Variants in DOT1L observed in about 807,000 individuals in gnomAD.
DOT1L encodes histone-lysine N-methyltransferase, H3 lysine-79 specific.
DOT1L carries 33 observed loss-of-function variants against 153.3 expected under a neutral mutation model. The ratio of observed to expected loss-of-function variants is 0.22; its 90% confidence interval spans 0.16 to 0.29. The LOEUF (loss-of-function observed/expected upper bound fraction) is 0.29, where lower values mean the gene tolerates loss of function less well. Among genes scored for constraint, DOT1L ranks in the 10% least tolerant of loss-of-function variants. The pLI is 1.00. For missense variants in DOT1L, 1,847 were observed against 2,119.9 expected, an observed-to-expected ratio of 0.87 and a Z score of 2.53; for synonymous variants, 1,135 against 965.1, an observed-to-expected ratio of 1.18 and a Z score of -3.26.
chr19:2,203,179 C>T (rs971490171), intron 9 of DOT1L, among the ~76,000 whole-genome samples: 3 of 152,016 alleles, frequency 2.0e-5, no homozygotes, highest in Non-Finnish European at 4.4e-5. Flanking sequence ...CTCAGCTTAC[C>T]GCAACCTCTG....
chr19:2,229,390 G>A, intron 27 of DOT1L: 1 of 985,490 alleles, frequency 1.0e-6, no homozygotes, highest in Non-Finnish European at 1.2e-6. Context: ...GGCAAGGAGA[G>A]GAGGACTGGG....
rs925877630 is a variant in DOT1L at position 2,226,989 on chromosome 19, G to T, written c.4468G>T (p.Gly1490Cys). The T allele has an allele frequency of 6.3e-7, 1 of 1,591,420 alleles. No individual in the cohort carries two copies. Among genetic ancestry groups the T allele is most frequent in the Non-Finnish European group, 8.5e-7 (1 of 1,176,614 alleles). The change falls in exon 27 of 28, where the codon GGC becomes TGC. Residue 1490 changes from glycine (G) to cysteine (C), a missense_variant. Physicochemically the swap from Gly to Cys is radical, Grantham distance 159 (BLOSUM62 -3). This residue lies in a region of DOT1L where 934 missense variants were observed against 825.3 expected (regional missense o/e 1.13). Transcript: ENST00000398665. ...SLQANLGSVA[G>C]SSVLQSLFSS... ...GCAGGCCAACCTCGGCTCCGTGGCC[G>T]GCTCCTCCGTGCTGCAGTCGCTGTT...
At chr19:2,200,752 GTCCTCCCCGCATTCTTCA>G (rs988706441) in intron 8 of DOT1L, among the ~76,000 whole-genome samples, 8 of 137,544 alleles carry the variant, frequency 5.8e-5, no homozygotes, top group South Asian at 2.4e-4. Context: ...TGTATTCCTC[GTCCTCCCCGCATTCTTCA>G]TCCTCCCCTC....
chr19:2,202,661 C>T (rs750658491), intron 8 of DOT1L, 39 bp from the exon 9 acceptor site: 69 of 1,599,946 alleles, frequency 4.3e-5, no homozygotes, highest in Admixed American at 2.8e-4. Flanking sequence ...GCCCGTGAGA[C>T]GAGCCTTCAT....
intron 6 of DOT1L, among the ~76,000 whole-genome samples, chr19:2,194,229 GACTC>G (rs2022919537): frequency 6.6e-6 from 1 of 152,114 alleles, no homozygotes; most frequent in Non-Finnish European, 1.5e-5. Context: ...GGAGTGCAGT[GACTC>G]GATCTCGGCT....
At position 2,208,590 on chromosome 19, in the gene DOT1L, G is replaced by A. The variant is rs914531663; in HGVS notation, c.964-345G>A. Among the ~76,000 whole-genome samples the A allele has an allele frequency of 3.9e-5, 6 of 152,192 alleles. No individual in the cohort carries two copies. The highest frequency in any genetic ancestry group is 1.4e-4 in the African/African-American group (6 of 41,440). On this transcript the variant is annotated intron_variant, in intron 11 of 27. Transcript: ENST00000398665. This position sits in a 1 kb window ranked among gnomAD's most constrained non-coding sequence, Gnocchi z 4.4. Reference sequence around the variant, plus strand: ...CCCTGGCACTGACGCCCTCGGCGCAGCCTCTCGCCTTCTCCTCTGAGGCGG... The same window carrying A: ...CCCTGGCACTGACGCCCTCGGCGCAACCTCTCGCCTTCTCCTCTGAGGCGG...
chr19:2,203,166 G>A (rs572898339), intron 9 of DOT1L, among the ~76,000 whole-genome samples: 10 of 151,908 alleles, frequency 6.6e-5, no homozygotes, highest in Non-Finnish European at 1.2e-4. Context: ...GCAGTGGCGC[G>A]ATCTCAGCTT....
intron 4 of DOT1L, 81 bp downstream of exon 4, chr19:2,189,876 G>C: frequency 1.4e-6 from 2 of 1,475,936 alleles, no homozygotes; most frequent in Non-Finnish European, 9.4e-7. Context: ...TCACCGCCTC[G>C]GGGCACAGAG....
At chr19:2,206,023 GTCTC>G (rs112981217) in intron 9 of DOT1L, among the ~76,000 whole-genome samples, 4 of 151,688 alleles carry the variant, frequency 2.6e-5, no homozygotes, top group Non-Finnish European at 4.4e-5. Flanking sequence ...TTGAGGCAGA[GTCTC>G]TCTCTATCGC....
intron 7 of DOT1L, 28 bp from the exon 8 acceptor site, chr19:2,199,853 GGTC>G (rs767112942): frequency 2.0e-5 from 33 of 1,610,520 alleles, no homozygotes; most frequent in Non-Finnish European, 2.7e-5. Flanking sequence ...GGAGGCCGGG[GGTC>G]CGCGCTCACA....
rs199963015 is a variant in DOT1L, at chr19:2,216,765, G to A, written c.2408G>A (p.Arg803Lys). The part of the protein sequence containing the change: ...GRPAASELHS[R>K]AEHTKENGLP... ...CCGGCTGCCAGTGAGCTGCATTCGAGGTGAGTGCCCTGGTGGGGCTGGGGG... is the reference window on the plus strand; with the variant it reads ...CCGGCTGCCAGTGAGCTGCATTCGAAGTGAGTGCCCTGGTGGGGCTGGGGG... Residue 803 changes from arginine to lysine, a missense_variant and splice_region_variant, in exon 20 of 28, where the codon AGA becomes AAA. By Grantham distance (26) the Arg-to-Lys change is conservative (BLOSUM62 2). Coordinates refer to ENST00000398665, the MANE Select transcript of DOT1L (RefSeq NM_032482.3). The A allele has an allele frequency of 1.3e-6, 2 of 1,588,188 alleles. No homozygotes were observed. Among genetic ancestry groups the A allele is most frequent in the Non-Finnish European group, 1.7e-6 (2 of 1,171,332 alleles).
At chr19:2,182,531 C>T (rs907889341) in intron 2 of DOT1L, among the ~76,000 whole-genome samples, 4 of 152,172 alleles carry the variant, frequency 2.6e-5, no homozygotes, top group African/African-American at 4.8e-5. Context: ...TCTCAAGAAA[C>T]AAAACCCAAA....
chr19:2,228,301 T>A (rs1436440821), intron 27 of DOT1L: 1 of 1,350,678 alleles, frequency 7.4e-7, no homozygotes, highest in Non-Finnish European at 9.9e-7. Flanking sequence ...TCCCTCGGCA[T>A]GCCGCCTCCC....
chr19:2,210,824 C>A lies in DOT1L; in HGVS notation c.1320C>A (p.Thr440=), dbSNP rs545805803. ...QTALDALHAQ[T]VSQTAASSPQ... is the part of the protein sequence containing the mutation. Reference sequence around the variant, plus strand: ...CACTGGATGCCCTGCACGCTCAGACCGTGTCTCAGACGGCGGCCTCCTCAC... The same window carrying A: ...CACTGGATGCCCTGCACGCTCAGACAGTGTCTCAGACGGCGGCCTCCTCAC... Residue 440 remains threonine, a synonymous_variant, in exon 14 of 28, where the codon ACC becomes ACA. Coordinates refer to ENST00000398665, the MANE Select transcript of DOT1L (RefSeq NM_032482.3). The A allele has an allele frequency of 2.6e-5, 42 of 1,612,660 alleles. No homozygotes were observed. Among genetic ancestry groups the A allele is most frequent in the South Asian group, 3.3e-5 (3 of 91,084 alleles).
chr19:2,214,806 G>A, intron 19 of DOT1L: 1 of 617,256 alleles, frequency 1.6e-6, no homozygotes, highest in Non-Finnish European at 2.6e-6. Flanking sequence ...TCAGCTCTCG[G>A]GGGCATCTCG....
chr19:2,222,809 G>C lies in DOT1L; in HGVS notation c.3390+250G>C. On this transcript the variant is annotated intron_variant, in intron 24 of 27. Transcript: ENST00000398665. The surrounding 1 kb of genome is among the most constrained non-coding windows in gnomAD (Gnocchi z 6.5). Reference sequence around the variant, plus strand: ...TGAGGCAGGAGAATGATGTGAACCCGGGAGGCGGGGCTTGCAGTGAACTGA... The same window carrying C: ...TGAGGCAGGAGAATGATGTGAACCCCGGAGGCGGGGCTTGCAGTGAACTGA... 1.4e-5 allele frequency: 7 copies of C among 497,060 alleles called. 1 individual carries two copies. The South Asian group carries it at 1.7e-4, about 12-fold the overall frequency. 30.8% of individuals were successfully genotyped at this position (497,060 alleles called of 1,614,324 possible).
In DOT1L at chr19:2,181,763, ACCAGCC is replaced by A. The variant is rs899034866; in HGVS notation, c.125+1039_125+1044del. ...GACCCCAGCCCAGCCCCCGCCCAGC[ACCAGCC>A]CCAGCCCCAGCCCCAGCCCCAGCCC... On this transcript the variant is annotated intron_variant, in intron 2 of 27. Transcript: ENST00000398665. Among the ~76,000 whole-genome samples the A allele has an allele frequency of 1.5e-3, 202 of 138,590 alleles. 1 individual carries two copies. The highest frequency in any genetic ancestry group is 4.0e-3 in the African/African-American group (153 of 37,894). 90.9% of individuals were successfully genotyped at this position (138,590 alleles called of 152,430 possible). A position where few individuals can be genotyped will look rare whatever the true frequency, so the allele number is the denominator to read the frequency against.
chr19:2,227,605 T>C (rs974158434), intron 27 of DOT1L: 3 of 1,045,754 alleles, frequency 2.9e-6, no homozygotes, highest in African/African-American at 3.5e-5. Flanking sequence ...GCCGAGCCGC[T>C]GCTTGTGCTT....
rs2023907150 is a variant in DOT1L at position 2,216,522 on chromosome 19, T to C, written c.2165T>C (p.Leu722Pro). Residue 722 changes from leucine (L) to proline (P), a missense_variant, in exon 20 of 28, where the codon CTC becomes CCC. Physicochemically the swap from Leu to Pro is moderately conservative, Grantham distance 98 (BLOSUM62 -3). Around this residue, in one of 8 missense-constraint regions of DOT1L, gnomAD observed 281 missense variants for 263.6 expected, o/e 1.07. Transcript: ENST00000398665. Reference sequence around the variant, plus strand: ...AACGGCCAGGCTGCTGGCTATGAGCTCTGCGGTGTGCTGAGCCGGCCTTCG... The same window carrying C: ...AACGGCCAGGCTGCTGGCTATGAGCCCTGCGGTGTGCTGAGCCGGCCTTCG... ...SMNGQAAGYELCGVLSRPSSK... is the reference protein window; with the variant it reads ...SMNGQAAGYEPCGVLSRPSSK... 1 of 1,612,036 alleles carries C rather than the reference T, an allele frequency of 6.2e-7. No individual in the cohort carries two copies. Among genetic ancestry groups the C allele is most frequent in the African/African-American group, 1.3e-5 (1 of 74,902 alleles).
Sources: allele counts gnomAD v4.1 joint callset (sites outside exome capture counted in the v4.1 genomes callset), GRCh38; gene constraint gnomAD v4.1.1; regional missense constraint gnomAD v4.1.1; non-coding constraint Gnocchi (gnomAD v3.1); transcripts MANE v1.5; gene names NCBI Gene and HGNC (gene_info 2026-07-23, HGNC 2026-07-21).